The following IL36G variants were observed in gnomAD, a reference collection of about 807,000 sequenced individuals.
IL36G encodes the protein interleukin 36 gamma, also known as interleukin-36 gamma.
In IL36G, 10 loss-of-function variants were observed where a neutral mutation model predicts 13.5. That is an observed-to-expected ratio of 0.74 (90% CI 0.46 to 1.26). The LOEUF (loss-of-function observed/expected upper bound fraction) is 1.26. Ranked by LOEUF, IL36G falls within the 50% of genes most tolerant of loss-of-function variation. IL36G has a pLI of 0.00. For synonymous variants in IL36G, 84 were observed against 74.0 expected (o/e 1.13, Z -0.69); for missense variants, 199 against 203.0 (o/e 0.98, Z 0.12).
intron 1 of IL36G, 142 bp from the exon 2 acceptor site, chr2:112,978,477 GT>G (rs1684203203): frequency 1.5e-6 from 1 of 661,510 alleles, no homozygotes; most frequent in Admixed American, 2.5e-5. Context: ...CGTCCCAGAT[GT>G]GGCTCAGAAC....
chr2:112,982,715 G>A lies in IL36G; in HGVS notation c.301-2125G>A, dbSNP rs1238307051. Among the ~76,000 whole-genome samples the A allele has an allele frequency of 2.0e-5, 3 of 152,184 alleles. No individual in the cohort carries two copies. The East Asian group carries it at 5.8e-4, about 29-fold the overall frequency. ...GTCCTGTCAGCTAAGTCACCCTTAT[G>A]TTGTGCGTTTGTTCTCAGATGGGGA... On this transcript the variant is annotated intron_variant, in intron 4 of 4. Transcript: ENST00000259205.
At chr2:112,984,140 C>T (rs1187810420) in intron 4 of IL36G, among the ~76,000 whole-genome samples, 2 of 152,196 alleles carry the variant, frequency 1.3e-5, no homozygotes, top group Admixed American at 6.5e-5. Context: ...ACTTCTCACT[C>T]AGGGTGGAAT....
Position 112,979,197 on chromosome 2 carries a change from T to C in IL36G, c.56-24T>C, listed in dbSNP as rs769070331. 9.0e-6 allele frequency: 13 copies of C among 1,445,064 alleles called. No individual in the cohort carries two copies. The South Asian group carries it at 1.5e-4, about 17-fold the overall frequency. 89.5% of individuals were successfully genotyped at this position (1,445,064 alleles called of 1,614,324 possible). ...CAGCCTTGATTATAATATTTCTTCA[T>C]TTTTTTCTCTATCCCAAAATCAGTG... is the stretch of plus-strand genomic sequence containing the variant. On this transcript the variant is annotated intron_variant, in intron 2 of 4. Coordinates refer to ENST00000259205, the MANE Select transcript of IL36G (RefSeq NM_019618.4).
In IL36G at chr2:112,980,128, C is replaced by T. The variant is rs200670013; in HGVS notation, c.280C>T (p.Gln94Ter). ...MCLYCEKVGEQPTLQLKEQKI... is the reference protein window; with the variant it reads ...MCLYCEKVGE ...TTTGTATTGTGAGAAGGTTGGAGAA[C>T]AGCCCACATTGCAGCTAAAAGTGAG... The change falls in exon 4 of 5, where the codon CAG becomes TAG. Residue 94 changes from glutamine to a stop codon, truncating the protein, a stop_gained. Coordinates refer to ENST00000259205, the MANE Select transcript of IL36G (RefSeq NM_019618.4). LOFTEE classifies it low-confidence loss of function (END_TRUNC). 6.2e-7 allele frequency: 1 copy of T among 1,614,022 alleles called. No homozygotes were observed.
At chr2:112,983,374 A>C (rs570640317) in intron 4 of IL36G, among the ~76,000 whole-genome samples, 1 of 152,352 alleles carries the variant, frequency 6.6e-6, no homozygotes, top group South Asian at 2.1e-4. Context: ...GGATTGATGA[A>C]TAAATACGCT....
At chr2:112,978,938 C>G (rs1469994844) in intron 2 of IL36G, among the ~76,000 whole-genome samples, 1 of 152,204 alleles carries the variant, frequency 6.6e-6, no homozygotes, top group East Asian at 1.9e-4. Context: ...GTAGCTGGGC[C>G]TTGGCACACA....
intron 2 of IL36G, 95 bp downstream of exon 2, chr2:112,978,788 C>T (rs1684211566): frequency 2.5e-6 from 3 of 1,217,666 alleles, no homozygotes; most frequent in Non-Finnish European, 3.6e-6. Flanking sequence ...CTGCTCCTCT[C>T]TGTACACTGC....
rs978141588 is a variant in IL36G at position 112,984,779 on chromosome 2, A to T, written c.301-61A>T. 4 of 1,341,956 alleles carry T rather than the reference A, an allele frequency of 3.0e-6. No individual in the cohort carries two copies. In the African/African-American group the frequency reaches 4.4e-5, roughly 15 times the overall value. 83.1% of individuals were successfully genotyped at this position (1,341,956 alleles called of 1,614,324 possible). A position where few individuals can be genotyped will look rare whatever the true frequency, so the allele number is the denominator to read the frequency against. On this transcript the variant is annotated intron_variant, in intron 4 of 4. Transcript: ENST00000259205. ...GAACATTTATTGAATTATTATGAAT[A>T]ACCTTGAATATCTCAAACAGCTTCT...
chr2:112,981,561 A>C (rs1684261445), intron 4 of IL36G: 1 of 395,374 alleles, frequency 2.5e-6, no homozygotes, highest in Admixed American at 3.9e-5. Flanking sequence ...CCTTTGATAT[A>C]TTCTTGGCCA....
intron 4 of IL36G, among the ~76,000 whole-genome samples, chr2:112,984,515 A>G (rs1350793191): frequency 6.6e-6 from 1 of 152,150 alleles, no homozygotes; most frequent in Non-Finnish European, 1.5e-5. Context: ...GGTAATTTCC[A>G]ATTTCTTCCT....
Position 112,980,013 on chromosome 2 carries a change from T to G in IL36G, c.165T>G (p.Thr55=), listed in dbSNP as rs141881839. The G allele has an allele frequency of 7.1e-4, 1,143 of 1,612,880 alleles. 10 individuals carry two copies. The highest frequency in any genetic ancestry group is 5.3e-3 in the Admixed American group (318 of 59,772). The change falls in exon 4 of 5, where the codon ACT becomes ACG. Residue 55 remains threonine, a synonymous_variant. Transcript: ENST00000259205. Reference sequence around the variant, plus strand: ...TCTCTCCTCTTATCTTTACAGTCACTGTTGCTGTTATCACATGCAAGTATC... The same window carrying G: ...TCTCTCCTCTTATCTTTACAGTCACGGTTGCTGTTATCACATGCAAGTATC... The part of the protein sequence containing the change: ...VPRSDSVTPV[T]VAVITCKYPE...
chr2:112,984,881 G>A lies in IL36G; in HGVS notation c.342G>A (p.Val114=), dbSNP rs917063043. Residue 114 remains valine (V), a synonymous_variant, in exon 5 of 5, where the codon GTG becomes GTA. Coordinates refer to ENST00000259205, the MANE Select transcript of IL36G (RefSeq NM_019618.4). ...IMDLYGQPEP[V]KPFLFYRAKT... is the part of the protein sequence containing the mutation. ...ATCTGTATGGCCAACCCGAGCCCGT[G>A]AAACCCTTCCTTTTCTACCGTGCCA... 1 of 1,614,034 alleles carries A rather than the reference G, an allele frequency of 6.2e-7. No homozygotes were observed. Among genetic ancestry groups the A allele is most frequent in the Non-Finnish European group, 8.5e-7 (1 of 1,180,032 alleles).
At chr2:112,983,043 G>A (rs1200198122) in intron 4 of IL36G, among the ~76,000 whole-genome samples, 1 of 152,212 alleles carries the variant, frequency 6.6e-6, no homozygotes, top group African/African-American at 2.4e-5. Context: ...CAAGAGAGCA[G>A]GGAGAACGGC....
Position 112,985,020 on chromosome 2 carries a change from A to C in IL36G, c.481A>C (p.Thr161Pro). 1 of 1,613,884 alleles carries C rather than the reference A, an allele frequency of 6.2e-7. No homozygotes were observed. The highest frequency in any genetic ancestry group is 8.5e-7 in the Non-Finnish European group (1 of 1,179,840). ...LTSELGKSYN[T>P]AFELNIND is the part of the protein sequence containing the mutation. Reference sequence around the variant, plus strand: ...TTCAGAACTTGGGAAGTCATACAACACTGCCTTTGAATTAAATATAAATGA... The same window carrying C: ...TTCAGAACTTGGGAAGTCATACAACCCTGCCTTTGAATTAAATATAAATGA... Residue 161 changes from threonine to proline, a missense_variant, in exon 5 of 5, where the codon ACT becomes CCT. Physicochemically the swap from Thr to Pro is conservative, Grantham distance 38. Transcript: ENST00000259205.
At chr2:112,983,481 G>A (rs1458137762) in intron 4 of IL36G, among the ~76,000 whole-genome samples, 1 of 152,118 alleles carries the variant, frequency 6.6e-6, no homozygotes, top group Non-Finnish European at 1.5e-5. Flanking sequence ...TGGCTGGGAT[G>A]GAATGTTCAG....
Position 112,980,022 on chromosome 2 carries a change from TATCACATGCA to T in IL36G, c.176_185del (p.Ile59SerfsTer38), listed in dbSNP as rs1684235358. ...TTATCTTTACAGTCACTGTTGCTGT[TATCACATGCA>T]AGTATCCAGAGGCTCTTGAGCAAGG... On this transcript the variant is annotated frameshift_variant, in exon 4 of 5. Coordinates refer to ENST00000259205, the MANE Select transcript of IL36G (RefSeq NM_019618.4). LOFTEE classifies it high-confidence loss of function. The T allele has an allele frequency of 4.3e-6, 7 of 1,613,150 alleles. No individual in the cohort carries two copies. The highest frequency in any genetic ancestry group is 4.2e-6 in the Non-Finnish European group (5 of 1,179,732).
intron 4 of IL36G, among the ~76,000 whole-genome samples, chr2:112,983,780 A>G (rs1380628110): frequency 6.6e-6 from 1 of 152,186 alleles, no homozygotes; most frequent in Non-Finnish European, 1.5e-5. Flanking sequence ...AAAGGGTATC[A>G]TAATCTTATT....
At chr2:112,981,453 G>A (rs946361409) in intron 4 of IL36G, 68 of 654,722 alleles carry the variant, frequency 1.0e-4, no homozygotes, top group Non-Finnish European at 1.7e-4. Flanking sequence ...CCACCCCAGC[G>A]GGATATAGGC....
intron 4 of IL36G, among the ~76,000 whole-genome samples, chr2:112,980,475 G>T (rs1281228332): frequency 6.6e-6 from 1 of 152,098 alleles, no homozygotes; most frequent in Non-Finnish European, 1.5e-5. Context: ...CTTGTTCAAA[G>T]GACTACCAAA....
Sources: allele counts gnomAD v4.1 joint callset (sites outside exome capture counted in the v4.1 genomes callset), GRCh38; gene constraint gnomAD v4.1.1; transcripts MANE v1.5; gene names NCBI Gene and HGNC (gene_info 2026-07-23, HGNC 2026-07-21).